The following TFAP4 variants were observed in gnomAD, a reference collection of about 807,000 sequenced individuals.
The protein encoded by TFAP4 is transcription factor AP-4, also known as activating enhancer-binding protein 4.
In TFAP4, 7 loss-of-function variants were observed where a neutral mutation model predicts 40.4. The observed-to-expected ratio is 0.17, with a 90% CI of 0.10 to 0.33. The LOEUF (loss-of-function observed/expected upper bound fraction) is 0.33. TFAP4 is among the 10% of genes least tolerant of loss of function. TFAP4 has a pLI of 1.00. For missense variants in TFAP4, 374 were observed against 451.1 expected (o/e 0.83, Z 1.55); for synonymous variants, 218 against 181.4 (o/e 1.20, Z -1.62).
At chr16:4,267,098 A>G (rs1460358736) in intron 1 of TFAP4, 2 of 152,350 alleles carry the variant, frequency 1.3e-5, no homozygotes, top group Non-Finnish European at 2.9e-5. Context: ...CAGTAGCACA[A>G]TCTCAGCTCA....
At chr16:4,264,604 G>C (rs1446867654) in intron 1 of TFAP4, 2 of 152,412 alleles carry the variant, frequency 1.3e-5, no homozygotes, top group Non-Finnish European at 2.9e-5. Context: ...ATGGTTTTAG[G>C]GTCGGTCAGC....
chr16:4,258,044 T>G lies in TFAP4; in HGVS notation c.*11A>C, dbSNP rs775385113. On this transcript the variant is annotated 3_prime_UTR_variant, in exon 7 of 7. Transcript: ENST00000204517. Reference sequence around the variant, plus strand: ...CAGCCCCCAGAAGGGAGAGGAGGGCTGGGGGGGTAGTCAGGGAAGCTCCCC... The same window carrying G: ...CAGCCCCCAGAAGGGAGAGGAGGGCGGGGGGGGTAGTCAGGGAAGCTCCCC... 6 of 1,607,326 alleles carry G rather than the reference T, an allele frequency of 3.7e-6. No homozygotes were observed. In the Admixed American group the frequency reaches 8.4e-5, roughly 22 times the overall value.
At chr16:4,262,032 G>C in intron 3 of TFAP4, 83 bp from the exon 4 acceptor site, 1 of 1,419,832 alleles carries the variant, frequency 7.0e-7, no homozygotes, top group East Asian at 2.4e-5. Context: ...GCCCCCCAAA[G>C]CTGCCCAACA....
In TFAP4 at chr16:4,261,969, G is replaced by C. The variant is rs765360439; in HGVS notation, c.355-20C>G. The C allele has an allele frequency of 1.9e-6, 3 of 1,587,172 alleles. No individual in the cohort carries two copies. Among genetic ancestry groups the C allele is most frequent in the East Asian group, 2.2e-5 (1 of 44,616 alleles). The stretch of plus-strand genomic sequence containing the variant: ...CAGCTCCTGGGGACCCCAAGGAGTC[G>C]GTCAGTGTGCCTGACACCTCGGTAC... On this transcript the variant is annotated intron_variant, in intron 3 of 6. Coordinates refer to ENST00000204517, the MANE Select transcript of TFAP4 (RefSeq NM_003223.3).
intron 4 of TFAP4, 129 bp from the exon 5 acceptor site, chr16:4,260,724 A>G: frequency 9.1e-7 from 1 of 1,103,582 alleles, no homozygotes; most frequent in African/African-American, 1.6e-5. Context: ...CAGAGGCCAG[A>G]AGCCTTTCCA....
At position 4,262,691 on chromosome 16, in the gene TFAP4, T is replaced by G. The variant is rs2052959777; in HGVS notation, c.100A>C (p.Ile34Leu). 1.2e-6 allele frequency: 2 copies of G among 1,608,532 alleles called. No individual in the cohort carries two copies. Among genetic ancestry groups the G allele is most frequent in the Admixed American group, 1.7e-5 (1 of 59,980 alleles). ...CGCTGAGTCTCGGGGGTTAGTGGAA[T>G]GTTGGCAAGGCTGCCAGAGAGGACA... is the stretch of plus-strand genomic sequence containing the variant. The part of the protein sequence containing the change: ...VIGGLCSLAN[I>L]PLTPETQRDQ... The change falls in exon 2 of 7, where the codon ATT (isoleucine) becomes CTT (leucine). Residue 34 changes from isoleucine (I) to leucine (L), a missense_variant. Ile to Leu is a conservative substitution (Grantham distance 5). Around this residue, in one of 6 missense-constraint regions of TFAP4, gnomAD observed 51 missense variants for 59.3 expected, o/e 0.86. Transcript: ENST00000204517.
chr16:4,265,697 T>C (rs1401057682), intron 1 of TFAP4: 1 of 150,408 alleles, frequency 6.6e-6, no homozygotes, highest in African/African-American at 2.4e-5. Flanking sequence ...ACAGACCTCG[T>C]TGACATTTTT....
rs2052960022 is a variant in TFAP4 at position 4,262,721 on chromosome 16, C to T, written c.90-20G>A. ...GCAAGGCTGCCAGAGAGGACAGGGA[C>T]AGGCTCGGCCAAGGCGCCCTCTTCA... On this transcript the variant is annotated intron_variant, in intron 1 of 6. Transcript: ENST00000204517. 1.9e-6 allele frequency: 3 copies of T among 1,603,228 alleles called. No homozygotes were observed. The highest frequency in any genetic ancestry group is 1.7e-5 in the Admixed American group (1 of 59,742).
At chr16:4,261,739 C>G (rs1371609824) in intron 4 of TFAP4, 40 bp downstream of exon 4, 18 of 1,551,178 alleles carry the variant, frequency 1.2e-5, no homozygotes, top group Non-Finnish European at 1.5e-5. Context: ...TCCACGCCCT[C>G]TGCACCGCGC....
At chr16:4,272,632 G>T (rs1274783724) in intron 1 of TFAP4, 26 bp downstream of exon 1, 1 of 1,583,664 alleles carries the variant, frequency 6.3e-7, no homozygotes, top group Non-Finnish European at 8.6e-7. Flanking sequence ...TGGTAGGAAG[G>T]GGGTGGGGGG....
chr16:4,260,229 G>GGC lies in TFAP4; in HGVS notation c.682_683insGC (p.Ala228GlyfsTer9). 1 of 1,170,520 alleles carries GGC rather than the reference G, an allele frequency of 8.5e-7. No individual in the cohort carries two copies. The highest frequency in any genetic ancestry group is 1.2e-6 in the Non-Finnish European group (1 of 837,096). The allele number at this position is 1,170,520 out of a possible 1,614,324, so 72.5% of individuals were successfully genotyped here. A position where few individuals can be genotyped will look rare whatever the true frequency, so the allele number is the denominator to read the frequency against. ...GATCACCGTGGGGTGGTGGGTGGGG[G>GGC]CCGGAGGGGGCAGAAGCTGCAAGAC... On this transcript the variant is annotated frameshift_variant, in exon 6 of 7. Coordinates refer to ENST00000204517, the MANE Select transcript of TFAP4 (RefSeq NM_003223.3). LOFTEE classifies it high-confidence loss of function.
chr16:4,272,701 G>C lies in TFAP4; in HGVS notation c.46C>G (p.His16Asp). ...ACTTCTTTCTCTGTTTTCCTGAAAT[G>C]TTGCAAAGAGGGCACCTTCTGAGTG... ...VPTQKVPSLQHFRKTEKEVIG... is the reference protein window; with the variant it reads ...VPTQKVPSLQDFRKTEKEVIG... The change falls in exon 1 of 7, where the codon CAT becomes GAT. Residue 16 changes from histidine to aspartate, a missense_variant. By Grantham distance (81) the His-to-Asp change is moderately conservative (BLOSUM62 -1). Around this residue, in one of 6 missense-constraint regions of TFAP4, gnomAD observed 51 missense variants for 59.3 expected, o/e 0.86. Transcript: ENST00000204517. 13 of 1,613,570 alleles carry C rather than the reference G, an allele frequency of 8.1e-6. No homozygotes were observed. The highest frequency in any genetic ancestry group is 1.1e-5 in the Non-Finnish European group (13 of 1,179,682).
chr16:4,263,456 C>T (rs1331499942), intron 1 of TFAP4: 1 of 152,212 alleles, frequency 6.6e-6, no homozygotes, highest in Non-Finnish European at 1.5e-5. Flanking sequence ...AGCGCCTCTT[C>T]AGCGTCTCAG....
intron 1 of TFAP4, among the ~76,000 whole-genome samples, chr16:4,270,545 C>G (rs118038069): frequency 6.6e-6 from 1 of 152,214 alleles, no homozygotes; most frequent in African/African-American, 2.4e-5. Flanking sequence ...CCCCCAACTC[C>G]ATGCCTAATG....
At chr16:4,265,171 G>T (rs965365259) in intron 1 of TFAP4, 1 of 152,168 alleles carries the variant, frequency 6.6e-6, no homozygotes, top group Admixed American at 6.6e-5. Context: ...TAAAGAGGGG[G>T]GCACAGAGGT....
At chr16:4,272,316 A>G (rs1012741189) in intron 1 of TFAP4, among the ~76,000 whole-genome samples, 1 of 151,946 alleles carries the variant, frequency 6.6e-6, no homozygotes, top group Non-Finnish European at 1.5e-5. Flanking sequence ...AAGCCGCCGC[A>G]GGAGGGGGAA....
chr16:4,271,990 T>G (rs988688932), intron 1 of TFAP4, among the ~76,000 whole-genome samples: 1 of 151,840 alleles, frequency 6.6e-6, no homozygotes, highest in African/African-American at 2.4e-5. Flanking sequence ...CAGGCCTCGC[T>G]AGTAAACAGC....
intron 1 of TFAP4, 114 bp downstream of exon 1, chr16:4,272,542 GAA>G: frequency 4.4e-6 from 3 of 676,606 alleles, no homozygotes; most frequent in Non-Finnish European, 6.6e-6. Context: ...CGGCAGCTAA[GAA>G]AGGCTAGCGG....
intron 1 of TFAP4, chr16:4,264,043 G>C (rs1019568510): frequency 6.6e-6 from 1 of 152,456 alleles, no homozygotes; most frequent in African/African-American, 2.4e-5. Flanking sequence ...TTCCTGAGGG[G>C]CCCTCCCGGG....
Sources: gnomAD v4.1 joint callset for allele counts (sites outside exome capture counted in the v4.1 genomes callset) on GRCh38, gnomAD v4.1.1 for gene constraint, gnomAD v4.1.1 regional missense constraint, MANE v1.5 for transcripts, NCBI Gene and HGNC (gene_info 2026-07-23, HGNC 2026-07-21) for gene names.